The following PTPRK variants were observed in gnomAD, a reference collection of about 807,000 sequenced individuals.
The protein encoded by PTPRK is protein tyrosine phosphatase receptor type K.
Under a neutral mutation model 178.0 loss-of-function variants are expected in PTPRK, and 75 were observed. The observed-to-expected ratio is 0.42, with a 90% CI of 0.35 to 0.51. The LOEUF is 0.51. Among genes scored for constraint, PTPRK ranks in the 20% least tolerant of loss-of-function variants. The pLI is 0.02. For synonymous variants in PTPRK, 637 were observed against 620.6 expected (o/e 1.03, Z -0.39); for missense variants, 1,441 against 1,797.8 (o/e 0.80, Z 3.59).
intron 7 of PTPRK, among the ~76,000 whole-genome samples, chr6:128,154,528 AT>A (rs1014390594): frequency 7.2e-5 from 11 of 151,808 alleles, no homozygotes; most frequent in African/African-American, 2.7e-4. Context: ...CAACAAAAAA[AT>A]CAACATTAAC....
intron 5 of PTPRK, among the ~76,000 whole-genome samples, chr6:128,231,452 A>G (rs1322741547): frequency 6.6e-6 from 1 of 152,202 alleles, no homozygotes; most frequent in Non-Finnish European, 1.5e-5. Context: ...AGCAGGTGAC[A>G]AGAAACTAGG....
At position 127,995,645 on chromosome 6, in the gene PTPRK, T is replaced by C. The variant is rs998117183; in HGVS notation, c.2768-107A>G. On this transcript the variant is annotated intron_variant, in intron 17 of 29. Transcript: ENST00000368226. ...TCAGTGGTTGCCCATAGTCTATCCA[T>C]AGTATACTACTACCAAATCAGTCCT... is the stretch of plus-strand genomic sequence containing the variant. 9 of 640,646 alleles carry C rather than the reference T, an allele frequency of 1.4e-5. No homozygotes were observed. In the East Asian group the frequency reaches 1.9e-4, roughly 14 times the overall value. 39.7% of individuals were successfully genotyped at this position (640,646 alleles called of 1,614,324 possible). A position where few individuals can be genotyped will look rare whatever the true frequency, so the allele number is the denominator to read the frequency against.
chr6:128,337,498 C>A (rs1322028672), intron 2 of PTPRK, among the ~76,000 whole-genome samples: 1 of 152,130 alleles, frequency 6.6e-6, no homozygotes, highest in Admixed American at 6.5e-5. Context: ...TTGAACCTAA[C>A]AATAAACTTA....
chr6:128,134,268 CTT>C (rs1294320015), intron 7 of PTPRK, among the ~76,000 whole-genome samples: 9 of 152,098 alleles, frequency 5.9e-5, no homozygotes, highest in African/African-American at 1.4e-4. Context: ...TGTCTTATCT[CTT>C]GTCTCAGAGC....
chr6:128,057,377 A>G (rs1450106986), intron 13 of PTPRK, among the ~76,000 whole-genome samples: 2 of 152,192 alleles, frequency 1.3e-5, no homozygotes, highest in South Asian at 2.1e-4. Context: ...GTTTCCCATC[A>G]TTCCCTGAGA....
intron 1 of PTPRK, among the ~76,000 whole-genome samples, chr6:128,465,195 A>G (rs1276462038): frequency 6.6e-6 from 1 of 152,144 alleles, no homozygotes; most frequent in Admixed American, 6.5e-5. Context: ...TTACGTAAAA[A>G]AAGTCTTCAC....
At chr6:127,980,639 T>A (rs1312661912) in intron 25 of PTPRK, among the ~76,000 whole-genome samples, 1 of 152,176 alleles carries the variant, frequency 6.6e-6, no homozygotes, top group Non-Finnish European at 1.5e-5. Context: ...ATACCATCCA[T>A]CCCCTCTCTA....
intron 6 of PTPRK, among the ~76,000 whole-genome samples, chr6:128,192,775 C>A (rs1002295155): frequency 6.8e-6 from 1 of 146,974 alleles, no homozygotes; most frequent in Non-Finnish European, 1.5e-5. Context: ...CAGGATCACG[C>A]TACTGCACTC....
At chr6:128,103,591 T>C (rs540616137) in intron 7 of PTPRK, among the ~76,000 whole-genome samples, 21 of 152,268 alleles carry the variant, frequency 1.4e-4, no homozygotes, top group African/African-American at 5.1e-4. Context: ...CACACCCCTG[T>C]TGAACATCCT....
chr6:128,482,442 G>C (rs974516785), intron 1 of PTPRK, among the ~76,000 whole-genome samples: 3 of 152,194 alleles, frequency 2.0e-5, no homozygotes, highest in African/African-American at 7.2e-5. Flanking sequence ...GGAGGAAAAG[G>C]GGTGGAGAAA....
chr6:128,135,753 G>A (rs148710743), intron 7 of PTPRK, among the ~76,000 whole-genome samples: 2 of 152,094 alleles, frequency 1.3e-5, no homozygotes, highest in South Asian at 2.1e-4. Context: ...TCTATGAGAT[G>A]TGCACTGGGT....
intron 1 of PTPRK, among the ~76,000 whole-genome samples, chr6:128,512,541 G>A (rs1017106999): frequency 7.2e-5 from 11 of 152,196 alleles, no homozygotes; most frequent in South Asian, 4.1e-4. Context: ...AGCACAAGTA[G>A]ACACATTTAG....
At chr6:128,466,590 A>G (rs972271838) in intron 1 of PTPRK, among the ~76,000 whole-genome samples, 15 of 152,234 alleles carry the variant, frequency 9.9e-5, no homozygotes, top group African/African-American at 3.1e-4. Context: ...CAAGGGGGAT[A>G]GTAGGCATGG....
rs548216431 is a variant in PTPRK, at chr6:128,061,656, C to T, written c.2194+3102G>A. Among the ~76,000 whole-genome samples, 140 of 152,162 alleles carry T rather than the reference C, an allele frequency of 9.2e-4. 1 individual carries two copies. Among genetic ancestry groups the T allele is most frequent in the Non-Finnish European group, 1.5e-3 (103 of 67,972 alleles). On this transcript the variant is annotated intron_variant, in intron 13 of 29. Coordinates refer to ENST00000368226, the MANE Select transcript of PTPRK (RefSeq NM_002844.4). ...AGGTCCTTTCTAGACCCTTTTCATT[C>T]AGCCCAGGGATTCCTGGGCAGGGTT...
At chr6:128,450,373 G>A (rs1183147333) in intron 1 of PTPRK, among the ~76,000 whole-genome samples, 1 of 152,188 alleles carries the variant, frequency 6.6e-6, no homozygotes, top group African/African-American at 2.4e-5. Flanking sequence ...TATCCAAGCT[G>A]TTAATGAACC....
At chr6:128,160,278 A>G (rs1583274722) in intron 7 of PTPRK, among the ~76,000 whole-genome samples, 1 of 151,654 alleles carries the variant, frequency 6.6e-6, no homozygotes, top group East Asian at 1.9e-4. Context: ...AAAAAATACT[A>G]CTCTTTTTAT....
chr6:128,469,738 G>C (rs955129131), intron 1 of PTPRK, among the ~76,000 whole-genome samples: 1 of 152,136 alleles, frequency 6.6e-6, no homozygotes, highest in Non-Finnish European at 1.5e-5. Flanking sequence ...CGTTGAGATG[G>C]GGAGAGTGTC....
intron 12 of PTPRK, among the ~76,000 whole-genome samples, chr6:128,065,511 T>C (rs1338901988): frequency 1.3e-5 from 2 of 152,134 alleles, no homozygotes; most frequent in Non-Finnish European, 2.9e-5. Flanking sequence ...TAGGACTTAA[T>C]TGAGTCAGCG....
chr6:128,316,044 CTATT>C (rs374322444), intron 3 of PTPRK, among the ~76,000 whole-genome samples: 18 of 152,268 alleles, frequency 1.2e-4, no homozygotes, highest in African/African-American at 4.3e-4. Context: ...AAATTGTTAT[CTATT>C]TGTCATGTAT....
Sources: allele counts gnomAD v4.1 joint callset (sites outside exome capture counted in the v4.1 genomes callset), GRCh38; gene constraint gnomAD v4.1.1; transcripts MANE v1.5; gene names NCBI Gene and HGNC (gene_info 2026-07-23, HGNC 2026-07-21).